Variants in ROBO1 observed in about 807,000 individuals in gnomAD.
The protein encoded by ROBO1 is roundabout homolog 1.
In ROBO1, 149 loss-of-function variants were observed where a neutral mutation model predicts 195.9. The ratio of observed to expected loss-of-function variants is 0.76; its 90% CI spans 0.67 to 0.87. The LOEUF is 0.87. Among genes scored for constraint, ROBO1 ranks in the 40% least tolerant of loss-of-function variants. The pLI is 0.00. For synonymous variants in ROBO1, 816 were observed against 733.2 expected (o/e 1.11, Z -1.82); for missense variants, 1,933 against 2,068.3 (o/e 0.93, Z 1.27).
intron 1 of ROBO1, among the ~76,000 whole-genome samples, chr3:79,645,094 C>T (rs537765253): frequency 3.3e-5 from 5 of 152,080 alleles, no homozygotes; most frequent in African/African-American, 1.2e-4. Context: ...CAACACATGC[C>T]TACATAAAAA....
intron 2 of ROBO1, among the ~76,000 whole-genome samples, chr3:79,255,871 A>AAAC (rs953280355): frequency 1.2e-4 from 18 of 152,150 alleles, no homozygotes; most frequent in African/African-American, 4.3e-4. Flanking sequence ...ATCTGCCTCA[A>AAAC]AGCTGGGTCA....
chr3:79,187,719 C>A (rs1422119642), intron 2 of ROBO1, among the ~76,000 whole-genome samples: 1 of 151,944 alleles, frequency 6.6e-6, no homozygotes, highest in South Asian at 2.1e-4. Context: ...AAAATAAAAA[C>A]CTGGTTTCAG....
intron 29 of ROBO1, among the ~76,000 whole-genome samples, chr3:78,604,101 G>A (rs1195803594): frequency 6.6e-6 from 1 of 151,386 alleles, no homozygotes; most frequent in Non-Finnish European, 1.5e-5. Context: ...ACAGATTCTT[G>A]CTCTGTCGCC....
intron 1 of ROBO1, among the ~76,000 whole-genome samples, chr3:79,710,761 C>T (rs531413488): frequency 3.9e-5 from 6 of 152,124 alleles, no homozygotes; most frequent in East Asian, 1.9e-4. Context: ...ATTTGGTTGG[C>T]GTGTTCTAAG....
intron 29 of ROBO1, among the ~76,000 whole-genome samples, chr3:78,602,471 T>C (rs1174906985): frequency 6.6e-6 from 1 of 152,142 alleles, no homozygotes; most frequent in Non-Finnish European, 1.5e-5. Flanking sequence ...AATTACCCAG[T>C]CTCAGGTTTT....
chr3:79,525,608 CTT>C (rs371275904), intron 2 of ROBO1, among the ~76,000 whole-genome samples: 5 of 133,310 alleles, frequency 3.8e-5, no homozygotes, highest in Admixed American at 7.7e-5. Context: ...GAACTTTACA[CTT>C]TTTTTTTTTT....
intron 4 of ROBO1, among the ~76,000 whole-genome samples, chr3:78,878,580 T>C (rs2035989053): frequency 1.7e-5 from 1 of 59,236 alleles, no homozygotes; most frequent in East Asian, 4.9e-4. Flanking sequence ...TGAAACCCCA[T>C]CTCAAAAAAA....
At chr3:79,173,116 T>A (rs1161726949) in intron 2 of ROBO1, among the ~76,000 whole-genome samples, 1 of 152,070 alleles carries the variant, frequency 6.6e-6, no homozygotes, top group Non-Finnish European at 1.5e-5. Flanking sequence ...TAAATACCAG[T>A]CCACATCAAT....
At chr3:78,909,386 T>G (rs1468381395) in intron 4 of ROBO1, among the ~76,000 whole-genome samples, 1 of 151,866 alleles carries the variant, frequency 6.6e-6, no homozygotes, top group Non-Finnish European at 1.5e-5. Flanking sequence ...ATTTAGTTGG[T>G]CAGAAAGGAA....
At chr3:78,644,075 G>C (rs1247241831) in intron 21 of ROBO1, among the ~76,000 whole-genome samples, 1 of 151,956 alleles carries the variant, frequency 6.6e-6, no homozygotes, top group African/African-American at 2.4e-5. Context: ...GTCAGTGTAG[G>C]AGTTTGGTTC....
intron 2 of ROBO1, among the ~76,000 whole-genome samples, chr3:79,446,697 T>C (rs2039270324): frequency 1.3e-5 from 2 of 152,218 alleles, no homozygotes; most frequent in Non-Finnish European, 2.9e-5. Flanking sequence ...GGGTATGAAA[T>C]ATTTGGGGCC....
chr3:79,571,850 G>A (rs976785615), intron 2 of ROBO1, among the ~76,000 whole-genome samples: 2 of 151,950 alleles, frequency 1.3e-5, no homozygotes, highest in Non-Finnish European at 1.5e-5. Context: ...ACAATTCATT[G>A]AGCATTCTAT....
At chr3:79,597,352 G>A (rs1188419439) in intron 1 of ROBO1, among the ~76,000 whole-genome samples, 1 of 151,964 alleles carries the variant, frequency 6.6e-6, no homozygotes, top group Non-Finnish European at 1.5e-5. Context: ...AATAGACAAG[G>A]TGAACTGGAC....
At chr3:79,584,834 G>T (rs1476545347) in intron 2 of ROBO1, among the ~76,000 whole-genome samples, 1 of 151,602 alleles carries the variant, frequency 6.6e-6, no homozygotes, top group African/African-American at 2.4e-5. Context: ...TTTGCAGAAT[G>T]ATGGGGTATA....
At chr3:78,956,098 C>T (rs9858080) in intron 3 of ROBO1, among the ~76,000 whole-genome samples, 22,320 of 152,032 alleles carry the variant, frequency 0.15, 2,404 homozygotes, top group African/African-American at 0.31. Flanking sequence ...AATGTTAATG[C>T]AAAATCTAAA....
chr3:79,015,096 T>C (rs1217304398), intron 3 of ROBO1, among the ~76,000 whole-genome samples: 11 of 152,208 alleles, frequency 7.2e-5, no homozygotes, highest in Non-Finnish European at 2.9e-5. Flanking sequence ...CAGGTAAACT[T>C]TCTGTTCTAA....
At chr3:78,659,923 T>A in intron 16 of ROBO1, 116 bp from the exon 17 acceptor site, 1 of 90,066 alleles carries the variant, frequency 1.1e-5, no homozygotes. Flanking sequence ...ATATGCTTTT[T>A]TTTTTTTTTT....
At chr3:79,353,672 T>C (rs149825468) in intron 2 of ROBO1, among the ~76,000 whole-genome samples, 2,057 of 152,202 alleles carry the variant, frequency 0.014, 32 homozygotes, top group Middle Eastern at 0.078. Context: ...CAATAGGAAA[T>C]TAATAGAACT....
intron 2 of ROBO1, among the ~76,000 whole-genome samples, chr3:79,547,228 AAAAC>A (rs1427193885): frequency 6.7e-6 from 1 of 149,494 alleles, no homozygotes; most frequent in East Asian, 2.0e-4. Flanking sequence ...TCATTTTGAC[AAAAC>A]AAACTGAAGC....
Sources: gnomAD v4.1 joint callset for allele counts (sites outside exome capture counted in the v4.1 genomes callset) on GRCh38, gnomAD v4.1.1 for gene constraint, MANE v1.5 for transcripts, NCBI Gene and HGNC (gene_info 2026-07-23, HGNC 2026-07-21) for gene names.